The following MARCHF5 variants were observed in gnomAD, a reference collection of about 807,000 sequenced individuals.
The protein encoded by MARCHF5 is membrane associated ring-CH-type finger 5.
Under a neutral mutation model 36.5 loss-of-function variants are expected in MARCHF5, and 5 were observed. The ratio of observed to expected loss-of-function variants is 0.14; its 90% CI spans 0.07 to 0.29. MARCHF5 has a LOEUF of 0.29. MARCHF5 is among the 10% of genes least tolerant of loss of function. The pLI, the probability that MARCHF5 is intolerant of heterozygous loss-of-function variation, is 1.00. For missense variants in MARCHF5, 179 were observed against 336.3 expected (o/e 0.53, Z 3.66); for synonymous variants, 103 against 109.9 (o/e 0.94, Z 0.39).
At position 92,324,274 on chromosome 10, in the gene MARCHF5, C is replaced by A. The variant is rs1004688122; in HGVS notation, c.238+12937C>A. ...TCTTTGGATATTTTGGATAAAAGTT[C>A]TTTGTCAGATGTCTTGGGCAGATCT... On this transcript the variant is annotated intron_variant, in intron 2 of 5. Transcript: ENST00000358935. Among the ~76,000 whole-genome samples the A allele has an allele frequency of 2.0e-5, 3 of 152,136 alleles. No homozygotes were observed. In the East Asian group the frequency reaches 5.8e-4, roughly 29 times the overall value.
In MARCHF5 at chr10:92,349,657, T is replaced by A; in HGVS notation, c.554-14T>A. On this transcript the variant is annotated splice_polypyrimidine_tract_variant and intron_variant, in intron 4 of 5. Transcript: ENST00000358935. ...GATTTATTAGCACTAACGCACTGCA[T>A]TTTTTTCCTCTAGGGATAGGTTGTC... 6.2e-7 allele frequency: 1 copy of A among 1,610,584 alleles called. No homozygotes were observed. Among genetic ancestry groups the A allele is most frequent in the Non-Finnish European group, 8.5e-7 (1 of 1,178,586 alleles).
chr10:92,301,748 T>C (rs549807984), intron 1 of MARCHF5, among the ~76,000 whole-genome samples: 52 of 152,288 alleles, frequency 3.4e-4, no homozygotes, highest in Middle Eastern at 3.4e-3. Flanking sequence ...CTTTACGTTC[T>C]CTCTAGATTA....
intron 2 of MARCHF5, among the ~76,000 whole-genome samples, chr10:92,330,305 G>C (rs1200967152): frequency 6.6e-6 from 1 of 152,192 alleles, no homozygotes; most frequent in East Asian, 1.9e-4. Context: ...TTTCAACAGT[G>C]TGAGACTTTC....
At chr10:92,295,643 C>T (rs1038572421) in intron 1 of MARCHF5, among the ~76,000 whole-genome samples, 1 of 151,676 alleles carries the variant, frequency 6.6e-6, no homozygotes, top group Non-Finnish European at 1.5e-5. Flanking sequence ...CTCCTGACGT[C>T]GTAATCTGCC....
chr10:92,317,911 C>T (rs1171429484), intron 2 of MARCHF5, among the ~76,000 whole-genome samples: 1 of 151,938 alleles, frequency 6.6e-6, no homozygotes. Flanking sequence ...CCACCATGCC[C>T]AGCTAAGTTT....
intron 1 of MARCHF5, among the ~76,000 whole-genome samples, chr10:92,291,823 C>T (rs1046717773): frequency 8.6e-5 from 13 of 151,928 alleles, no homozygotes; most frequent in Non-Finnish European, 1.6e-4. Context: ...TTTTCCTTAC[C>T]CTCTTCCCCT....
chr10:92,300,515 C>G (rs1002374672), intron 1 of MARCHF5, among the ~76,000 whole-genome samples: 3 of 151,924 alleles, frequency 2.0e-5, no homozygotes, highest in Non-Finnish European at 4.4e-5. Flanking sequence ...AAAAAGAGAT[C>G]ATATTCTTTA....
At chr10:92,317,548 G>A (rs1439557257) in intron 2 of MARCHF5, among the ~76,000 whole-genome samples, 9 of 151,952 alleles carry the variant, frequency 5.9e-5, no homozygotes, top group African/African-American at 2.2e-4. Context: ...GATTGTTTAA[G>A]TATGTAGAAT....
At chr10:92,336,015 C>T (rs1441531409) in intron 2 of MARCHF5, among the ~76,000 whole-genome samples, 1 of 152,086 alleles carries the variant, frequency 6.6e-6, no homozygotes, top group African/African-American at 2.4e-5. Flanking sequence ...AGATCATTTT[C>T]CCTTTGGAGG....
At chr10:92,335,409 A>C (rs189972264) in intron 2 of MARCHF5, among the ~76,000 whole-genome samples, 92 of 152,326 alleles carry the variant, frequency 6.0e-4, no homozygotes, top group Middle Eastern at 3.4e-3. Flanking sequence ...AGCTCTCAGA[A>C]ATACCTCCCC....
intron 2 of MARCHF5, among the ~76,000 whole-genome samples, chr10:92,319,646 GTTTTTTTGTTTTTTGT>G (rs1383081477): frequency 2.0e-5 from 2 of 99,884 alleles, no homozygotes; most frequent in Admixed American, 2.3e-4. Flanking sequence ...TTTGTTTTTT[GTTTTTTTGTTTTTTGT>G]TTTTTTTTCT....
At chr10:92,335,746 GTTA>G (rs2135209628) in intron 2 of MARCHF5, among the ~76,000 whole-genome samples, 1 of 152,280 alleles carries the variant, frequency 6.6e-6, no homozygotes, top group Admixed American at 6.5e-5. Flanking sequence ...AATTGAGCTT[GTTA>G]GAAGCTTCTG....
intron 2 of MARCHF5, among the ~76,000 whole-genome samples, chr10:92,336,329 G>T (rs1843501650): frequency 1.3e-5 from 2 of 152,210 alleles, no homozygotes; most frequent in Non-Finnish European, 2.9e-5. Context: ...GAGCCACCAT[G>T]CCCGGCCTGG....
chr10:92,292,195 C>T (rs759844533), intron 1 of MARCHF5, among the ~76,000 whole-genome samples: 1 of 152,082 alleles, frequency 6.6e-6, no homozygotes, highest in Non-Finnish European at 1.5e-5. Flanking sequence ...TCAGCTCGTA[C>T]AGGAGTCCAG....
At chr10:92,333,618 G>A in intron 2 of MARCHF5, 1 of 983,086 alleles carries the variant, frequency 1.0e-6, no homozygotes, top group Non-Finnish European at 1.2e-6. Context: ...TTATGCACAA[G>A]CAAAGGGGTA....
intron 2 of MARCHF5, among the ~76,000 whole-genome samples, chr10:92,322,533 G>A (rs1373311193): frequency 6.9e-6 from 1 of 145,860 alleles, no homozygotes; most frequent in Non-Finnish European, 1.5e-5. Flanking sequence ...TTGACTTCCT[G>A]GGCTCAAGTG....
At chr10:92,302,449 T>TTTTTTTTTC (rs1564943018) in intron 1 of MARCHF5, among the ~76,000 whole-genome samples, 1 of 598 alleles carries the variant, frequency 1.7e-3, no homozygotes, top group African/African-American at 2.0e-3. Flanking sequence ...TTTTTTTTTC[T>TTTTTTTTTC]TTTTTTTTTT....
intron 5 of MARCHF5, among the ~76,000 whole-genome samples, 160 bp from the exon 6 acceptor site, chr10:92,350,931 A>G (rs577396411): frequency 2.6e-5 from 4 of 152,282 alleles, no homozygotes; most frequent in Middle Eastern, 3.4e-3. Context: ...CTCTCTCCCT[A>G]TCTCATCTCC....
At chr10:92,295,599 G>A (rs1288204229) in intron 1 of MARCHF5, among the ~76,000 whole-genome samples, 1 of 150,952 alleles carries the variant, frequency 6.6e-6, no homozygotes, top group Non-Finnish European at 1.5e-5. Context: ...TAGTAGAGAC[G>A]GGGTTTCACC....
Sources: gnomAD v4.1 joint callset for allele counts (sites outside exome capture counted in the v4.1 genomes callset) on GRCh38, gnomAD v4.1.1 for gene constraint, MANE v1.5 for transcripts, NCBI Gene and HGNC (gene_info 2026-07-23, HGNC 2026-07-21) for gene names.